Variants in LRBA observed in about 807,000 individuals in gnomAD.
LRBA encodes the protein LPS responsive beige-like anchor protein.
Under a neutral mutation model 330.0 loss-of-function variants are expected in LRBA, and 176 were observed. That is an observed-to-expected ratio of 0.53 (90% CI 0.47 to 0.60). The LOEUF is 0.60. Among genes scored for constraint, LRBA ranks in the 20% least tolerant of loss-of-function variants. The probability of loss-of-function intolerance (pLI) is 0.00; values close to 1 mark genes in which losing one functional copy is unlikely to be tolerated. For synonymous variants in LRBA, 1,230 were observed against 1,193.0 expected, an observed-to-expected ratio of 1.03 and a Z score of -0.64; for missense variants, 3,259 against 3,444.8, an observed-to-expected ratio of 0.95 and a Z score of 1.35.
At chr4:150,285,105 A>T (rs1254878547) in intron 54 of LRBA, among the ~76,000 whole-genome samples, 1 of 152,202 alleles carries the variant, frequency 6.6e-6, no homozygotes, top group Admixed American at 6.5e-5. Flanking sequence ...ATAATCCTTT[A>T]AATATTTAAA....
intron 47 of LRBA, among the ~76,000 whole-genome samples, chr4:150,378,326 C>A (rs1741674838): frequency 6.6e-6 from 1 of 152,146 alleles, no homozygotes; most frequent in South Asian, 2.1e-4. Flanking sequence ...AAAAGGTACA[C>A]AATAATAACT....
intron 44 of LRBA, among the ~76,000 whole-genome samples, chr4:150,438,171 A>G (rs1751369511): frequency 6.6e-6 from 1 of 152,216 alleles, no homozygotes; most frequent in Admixed American, 6.5e-5. Flanking sequence ...GACATGATAT[A>G]TAAGATTACT....
intron 27 of LRBA, 69 bp downstream of exon 27, chr4:150,844,589 G>T: frequency 7.2e-7 from 1 of 1,386,594 alleles, no homozygotes; most frequent in South Asian, 1.3e-5. Flanking sequence ...ATGTTGAAAT[G>T]AACAAATAAA....
intron 37 of LRBA, among the ~76,000 whole-genome samples, chr4:150,653,583 T>G (rs1561474709): frequency 6.6e-6 from 1 of 152,098 alleles, no homozygotes; most frequent in Non-Finnish European, 1.5e-5. Context: ...ACAATCTAGG[T>G]GTGAGAGGGC....
At chr4:150,892,241 A>G (rs1413359689) in intron 17 of LRBA, among the ~76,000 whole-genome samples, 1 of 152,240 alleles carries the variant, frequency 6.6e-6, no homozygotes, top group African/African-American at 2.4e-5. Context: ...TACGTAAAAT[A>G]GAGGTATTCT....
intron 2 of LRBA, among the ~76,000 whole-genome samples, chr4:151,004,384 C>T (rs370575312): frequency 3.3e-5 from 5 of 152,124 alleles, no homozygotes; most frequent in Non-Finnish European, 5.9e-5. Context: ...ATAACGGAGA[C>T]GGCAACTGAC....
intron 17 of LRBA, among the ~76,000 whole-genome samples, chr4:150,885,191 C>T (rs1476801820): frequency 1.3e-5 from 1 of 79,740 alleles, no homozygotes; most frequent in Non-Finnish European, 3.0e-5. Context: ...ATAGATGTAA[C>T]AAGAGTTCCA....
Position 150,325,880 on chromosome 4 carries a change from G to A in LRBA, c.7381C>T (p.Arg2461Ter), listed in dbSNP as rs1004337827. The A allele has an allele frequency of 5.0e-6, 8 of 1,612,224 alleles. No homozygotes were observed. The highest frequency in any genetic ancestry group is 6.8e-6 in the Non-Finnish European group (8 of 1,178,802). ...TGAGAAGGAGTCTGTCCAAAACTTC[G>A]GATTTGAGCTTCAACAGCCTGAAAA... Reference protein sequence around the residue: ...VLREAVEAQIRSFGQTPSQLL... With the variant: ...VLREAVEAQI Residue 2461 changes from arginine (R) to a stop codon, truncating the protein, a stop_gained, in exon 49 of 57, where the codon CGA (arginine) becomes TGA (stop). Coordinates refer to ENST00000651943, the MANE Select transcript of LRBA (RefSeq NM_001364905.1). LOFTEE classifies it high-confidence loss of function.
intron 16 of LRBA, among the ~76,000 whole-genome samples, chr4:150,896,046 T>C (rs1184505268): frequency 2.0e-5 from 3 of 152,242 alleles, no homozygotes; most frequent in Non-Finnish European, 4.4e-5. Context: ...GATTGTGTTA[T>C]GAATTTTTAA....
chr4:150,456,595 T>A (rs1754102141), intron 44 of LRBA, among the ~76,000 whole-genome samples: 1 of 152,108 alleles, frequency 6.6e-6, no homozygotes, highest in Admixed American at 6.6e-5. Context: ...ATATGAGTGG[T>A]TTGCTAATAT....
intron 47 of LRBA, among the ~76,000 whole-genome samples, chr4:150,404,078 A>G (rs1171937506): frequency 2.0e-5 from 3 of 152,118 alleles, no homozygotes; most frequent in Non-Finnish European, 4.4e-5. Context: ...TAAAGTGTCA[A>G]ATACTTACAA....
chr4:150,826,898 A>T (rs1219841032), intron 30 of LRBA, among the ~76,000 whole-genome samples: 1 of 152,212 alleles, frequency 6.6e-6, no homozygotes, highest in African/African-American at 2.4e-5. Context: ...AGCTGTGGAA[A>T]CCATCAAGTT....
intron 17 of LRBA, among the ~76,000 whole-genome samples, chr4:150,875,370 T>A (rs1023073661): frequency 2.6e-5 from 4 of 152,184 alleles, no homozygotes. Context: ...GCAGAGAACT[T>A]GGGGCTGAGG....
At chr4:150,379,357 ATACAAAAATTCCATAAT>A (rs1399131405) in intron 47 of LRBA, among the ~76,000 whole-genome samples, 1 of 151,314 alleles carries the variant, frequency 6.6e-6, no homozygotes, top group Non-Finnish European at 1.5e-5. Context: ...AAATTCCTAT[ATACAAAAATTCCATAAT>A]TAGAAATATC....
chr4:150,556,273 T>TA (rs1229807764), intron 40 of LRBA, among the ~76,000 whole-genome samples: 6 of 152,200 alleles, frequency 3.9e-5, no homozygotes, highest in African/African-American at 7.2e-5. Flanking sequence ...AAACTAAATT[T>TA]AAAAACTATC....
At chr4:150,863,293 C>T (rs1343842946) in intron 22 of LRBA, among the ~76,000 whole-genome samples, 1 of 151,864 alleles carries the variant, frequency 6.6e-6, no homozygotes, top group African/African-American at 2.4e-5. Flanking sequence ...TATTTTTTTT[C>T]CTTTCTCTAT....
intron 44 of LRBA, among the ~76,000 whole-genome samples, chr4:150,438,572 ATTAG>A: frequency 6.6e-6 from 1 of 152,318 alleles, no homozygotes; most frequent in Middle Eastern, 3.4e-3. Flanking sequence ...ATGAACACCT[ATTAG>A]TTAATCACTC....
rs1420625535 is a variant in LRBA at position 150,487,780 on chromosome 4, T to C, written c.6503A>G (p.Tyr2168Cys). 38 of 1,598,722 alleles carry C rather than the reference T, an allele frequency of 2.4e-5. No homozygotes were observed. Among genetic ancestry groups the C allele is most frequent in the Non-Finnish European group, 3.2e-5 (37 of 1,169,266 alleles). Reference sequence around the variant, plus strand: ...TGTTCCAACGCCAACACGAGGTAGATAGTTAACCACTTTCTTTACTGTTGC... The same window carrying C: ...TGTTCCAACGCCAACACGAGGTAGACAGTTAACCACTTTCTTTACTGTTGC... Reference protein sequence around the residue: ...DPATVKKVVNYLPRVGVGTSF... With the variant: ...DPATVKKVVNCLPRVGVGTSF... Residue 2168 changes from tyrosine to cysteine, a missense_variant, in exon 42 of 57, where the codon TAT (tyrosine) becomes TGT (cysteine). By Grantham distance (194) the Tyr-to-Cys change is radical. Transcript: ENST00000651943.
chr4:150,317,604 G>T (rs551187146), intron 50 of LRBA, among the ~76,000 whole-genome samples: 1 of 152,072 alleles, frequency 6.6e-6, no homozygotes, highest in Non-Finnish European at 1.5e-5. Context: ...TACAGCCTCT[G>T]GTCTACCCAA....
Sources: allele counts gnomAD v4.1 joint callset (sites outside exome capture counted in the v4.1 genomes callset), GRCh38; gene constraint gnomAD v4.1.1; transcripts MANE v1.5; gene names NCBI Gene and HGNC (gene_info 2026-07-23, HGNC 2026-07-21).